The following S100A8 variants were observed in gnomAD, a reference collection of about 807,000 sequenced individuals.
S100A8 encodes S100 calcium binding protein A8.
S100A8 carries 1 observed loss-of-function variant against 4.2 expected under a neutral mutation model. The observed-to-expected ratio is 0.24, with a 90% CI of 0.08 to 1.12. The LOEUF (loss-of-function observed/expected upper bound fraction) is 1.12. S100A8 is among the 50% of genes most tolerant of loss of function. S100A8 has a pLI of 0.53. For synonymous variants in S100A8, 41 were observed against 44.7 expected (o/e 0.92, Z 0.33); for missense variants, 96 against 111.8 (o/e 0.86, Z 0.64).
the S100A8 span, among the ~76,000 whole-genome samples, chr1:153,407,484 T>A: frequency 6.6e-6 from 1 of 152,164 alleles, no homozygotes; most frequent in Non-Finnish European, 1.5e-5. Context: ...GCGAACTGGG[T>A]GGAGCCCACC....
chr1:153,393,782 T>C (rs1176913110), upstream of S100A8, among the ~76,000 whole-genome samples: 1 of 152,230 alleles, frequency 6.6e-6, no homozygotes, highest in Non-Finnish European at 1.5e-5. Context: ...CTGACTCATT[T>C]GATATTCCCA....
At chr1:153,398,079 A>T in the S100A8 span, among the ~76,000 whole-genome samples, 2 of 152,172 alleles carry the variant, frequency 1.3e-5, no homozygotes, top group Admixed American at 1.3e-4. Flanking sequence ...GGGAGATGGG[A>T]AGTGACTGAA....
rs1449016558 is a variant in S100A8 at position 153,390,109 on chromosome 1, T to C, written c.276A>G (p.Lys92=). The change falls in exon 3 of 3, where the codon AAA becomes AAG. Residue 92 remains lysine, a synonymous_variant. Coordinates refer to ENST00000368733, the MANE Select transcript of S100A8 (RefSeq NM_002964.5). ...AHKKSHEESH[K]E is the part of the protein sequence containing the mutation. The stretch of plus-strand genomic sequence containing the variant: ...TCTGGGCCCAGTAACTCAGCTACTC[T>C]TTGTGGCTTTCTTCATGGCTTTTTT... 1 of 1,613,388 alleles carries C rather than the reference T, an allele frequency of 6.2e-7. No homozygotes were observed. Among genetic ancestry groups the C allele is most frequent in the Non-Finnish European group, 8.5e-7 (1 of 1,179,726 alleles).
the S100A8 span, among the ~76,000 whole-genome samples, chr1:153,416,054 G>A: frequency 2.0e-5 from 3 of 152,214 alleles, no homozygotes; most frequent in East Asian, 1.9e-4. Flanking sequence ...GGGGAGGGTT[G>A]AGGAGGATGC....
At chr1:153,400,633 T>C in the S100A8 span, among the ~76,000 whole-genome samples, 1 of 152,144 alleles carries the variant, frequency 6.6e-6, no homozygotes, top group Non-Finnish European at 1.5e-5. Context: ...ACATAAAGAT[T>C]TCCCCAGCAA....
the S100A8 span, among the ~76,000 whole-genome samples, chr1:153,400,463 G>A: frequency 6.6e-6 from 1 of 152,150 alleles, no homozygotes; most frequent in Non-Finnish European, 1.5e-5. Flanking sequence ...GGGAGGGCCT[G>A]CACAGGCTGA....
At chr1:153,417,547 G>C in the S100A8 span, among the ~76,000 whole-genome samples, 1 of 152,174 alleles carries the variant, frequency 6.6e-6, no homozygotes, top group East Asian at 1.9e-4. Flanking sequence ...GAGCCTGCAC[G>C]CACTGTGTCA....
chr1:153,401,688 C>T, the S100A8 span, among the ~76,000 whole-genome samples: 2 of 152,164 alleles, frequency 1.3e-5, no homozygotes, highest in Admixed American at 6.5e-5. Flanking sequence ...ATCCCCGCTT[C>T]GGCCGCACCC....
the S100A8 span, among the ~76,000 whole-genome samples, chr1:153,412,335 A>G: frequency 3.9e-5 from 6 of 152,370 alleles, no homozygotes; most frequent in South Asian, 1.2e-3. Context: ...ATATGAACAG[A>G]CACTTCTCAA....
the S100A8 span, among the ~76,000 whole-genome samples, chr1:153,402,004 T>C: frequency 6.6e-6 from 1 of 152,154 alleles, no homozygotes; most frequent in Non-Finnish European, 1.5e-5. Flanking sequence ...AGATGGGCTG[T>C]GCTTGAAGGG....
At chr1:153,412,983 G>A in the S100A8 span, among the ~76,000 whole-genome samples, 214 of 152,258 alleles carry the variant, frequency 1.4e-3, no homozygotes, top group African/African-American at 4.7e-3. Context: ...AGGGCCTGTC[G>A]TGAGGTTGGG....
rs781328492 is a variant in S100A8, at chr1:153,390,227, A to T, written c.158T>A (p.Val53Asp). The change falls in exon 3 of 3, where the codon GTC (valine) becomes GAC (aspartate). Residue 53 changes from valine (V) to aspartate (D), a missense_variant. Val to Asp is a radical substitution (Grantham distance 152). Transcript: ENST00000368733. ...GTTGATATCCAACTCTTTGAACCAGACGTCTGCACCCTTTTTCTGTCAAGA... is the reference window on the plus strand; with the variant it reads ...GTTGATATCCAACTCTTTGAACCAGTCGTCTGCACCCTTTTTCTGTCAAGA... ...PQYIRKKGADVWFKELDINTD... is the reference protein window; with the variant it reads ...PQYIRKKGADDWFKELDINTD... 3.1e-6 allele frequency: 5 copies of T among 1,611,996 alleles called. No homozygotes were observed. In the East Asian group the frequency reaches 8.9e-5, roughly 29 times the overall value.
upstream of S100A8, among the ~76,000 whole-genome samples, chr1:153,395,960 G>A (rs184321054): frequency 4.7e-4 from 71 of 152,340 alleles, 1 homozygote; most frequent in Admixed American, 1.6e-3. Context: ...CTGTCGGAGC[G>A]GCATGTTAGT....
upstream of S100A8, among the ~76,000 whole-genome samples, chr1:153,395,587 T>C (rs1038713387): frequency 6.6e-6 from 1 of 152,134 alleles, no homozygotes; most frequent in Non-Finnish European, 1.5e-5. Context: ...TCTGTCTTCC[T>C]CCACCCCAAA....
chr1:153,409,021 A>G, the S100A8 span, among the ~76,000 whole-genome samples: 1 of 152,216 alleles, frequency 6.6e-6, no homozygotes, highest in Non-Finnish European at 1.5e-5. Flanking sequence ...CACTACAAAA[A>G]CATGCCAAAC....
the S100A8 span, among the ~76,000 whole-genome samples, chr1:153,401,334 C>T: frequency 1.3e-5 from 2 of 152,124 alleles, no homozygotes; most frequent in Non-Finnish European, 2.9e-5. Flanking sequence ...GTGCTAGGTG[C>T]TGTGGAGAAA....
At chr1:153,396,980 G>A in the S100A8 span, among the ~76,000 whole-genome samples, 1 of 152,238 alleles carries the variant, frequency 6.6e-6, no homozygotes, top group Admixed American at 6.5e-5. Context: ...CCATAACCGA[G>A]CCTGGAGCTA....
At chr1:153,402,976 T>G in the S100A8 span, among the ~76,000 whole-genome samples, 3 of 148,910 alleles carry the variant, frequency 2.0e-5, no homozygotes, top group Non-Finnish European at 3.0e-5. Context: ...TATGGTATAT[T>G]TATTCTGTGA....
At chr1:153,421,511 T>G in the S100A8 span, 1 of 152,228 alleles carries the variant, frequency 6.6e-6, no homozygotes, top group Non-Finnish European at 1.5e-5. Context: ...TTTGTGCAAA[T>G]TCTAGTCAAT....
Sources: allele counts gnomAD v4.1 joint callset (sites outside exome capture counted in the v4.1 genomes callset), GRCh38; gene constraint gnomAD v4.1.1; transcripts MANE v1.5; gene names NCBI Gene and HGNC (gene_info 2026-07-23, HGNC 2026-07-21).